FNDC3B: variants seen among roughly 807,000 people sequenced by gnomAD.
FNDC3B encodes fibronectin type III domain containing 3B.
FNDC3B carries 12 observed loss-of-function variants against 151.5 expected under a neutral mutation model. The observed-to-expected ratio is 0.08, with a 90% CI of 0.05 to 0.13. The LOEUF is 0.13. Ranked by LOEUF, FNDC3B falls within the 10% of genes least tolerant of loss-of-function variation. FNDC3B has a pLI of 1.00. For synonymous variants in FNDC3B, 528 were observed against 549.0 expected (o/e 0.96, Z 0.54); for missense variants, 1,214 against 1,505.3 (o/e 0.81, Z 3.20).
chr3:172,311,243 G>T (rs975680274), intron 11 of FNDC3B, among the ~76,000 whole-genome samples: 3 of 152,166 alleles, frequency 2.0e-5, no homozygotes, highest in South Asian at 4.1e-4. Flanking sequence ...ACACACTGCC[G>T]CTTGGAAAGC....
At chr3:172,381,633 C>T (rs1735445794) in intron 25 of FNDC3B, among the ~76,000 whole-genome samples, 1 of 151,810 alleles carries the variant, frequency 6.6e-6, no homozygotes, top group South Asian at 2.1e-4. Context: ...CCCCCACCCC[C>T]TGACAGGCCC....
chr3:172,203,840 CT>C (rs1241786751), intron 3 of FNDC3B, among the ~76,000 whole-genome samples: 4 of 152,086 alleles, frequency 2.6e-5, no homozygotes, highest in Non-Finnish European at 5.9e-5. Context: ...TCCCTTCAGA[CT>C]TTTACAAATG....
chr3:172,143,703 G>A (rs1027671914), intron 3 of FNDC3B, among the ~76,000 whole-genome samples: 1 of 151,988 alleles, frequency 6.6e-6, no homozygotes, highest in African/African-American at 2.4e-5. Flanking sequence ...GAGGTCAAGA[G>A]ATTGAGACCA....
At chr3:172,044,268 G>T in intron 1 of FNDC3B, among the ~76,000 whole-genome samples, 1 of 129,220 alleles carries the variant, frequency 7.7e-6, no homozygotes, top group Admixed American at 7.1e-5. Flanking sequence ...GTATGGAATA[G>T]TGAAAATTCC....
At chr3:172,201,588 G>T (rs373168621) in intron 3 of FNDC3B, among the ~76,000 whole-genome samples, 63 of 152,238 alleles carry the variant, frequency 4.1e-4, no homozygotes, top group African/African-American at 1.4e-3. Flanking sequence ...TCTAAGCAAA[G>T]CAATGGGAAT....
intron 6 of FNDC3B, among the ~76,000 whole-genome samples, chr3:172,258,254 A>G (rs1728465717): frequency 6.6e-6 from 1 of 152,190 alleles, no homozygotes; most frequent in Non-Finnish European, 1.5e-5. Context: ...ATTCCACGAC[A>G]TAGACTCACA....
chr3:172,366,974 T>C (rs1049890463), intron 23 of FNDC3B, among the ~76,000 whole-genome samples: 1 of 152,226 alleles, frequency 6.6e-6, no homozygotes, highest in Non-Finnish European at 1.5e-5. Flanking sequence ...CCCTTAAGTT[T>C]GGGCATGTTT....
chr3:172,204,651 T>C (rs1391830457), intron 3 of FNDC3B, among the ~76,000 whole-genome samples: 2 of 152,220 alleles, frequency 1.3e-5, no homozygotes, highest in Admixed American at 1.3e-4. Context: ...TACAAACCTA[T>C]TGTATATGAA....
At position 172,200,438 on chromosome 3, in the gene FNDC3B, A is replaced by G. The variant is rs548701601; in HGVS notation, c.188-26433A>G. On this transcript the variant is annotated intron_variant, in intron 3 of 25. Coordinates refer to ENST00000415807, the MANE Select transcript of FNDC3B (RefSeq NM_022763.4). ...GATTTTTTGGCTTTATAATGGTGCA[A>G]ATGTGATATGCATTTGGCAAAAACC... Among the ~76,000 whole-genome samples the G allele has an allele frequency of 2.6e-5, 4 of 152,350 alleles. No homozygotes were observed. In the South Asian group the frequency reaches 8.3e-4, roughly 32 times the overall value.
At chr3:172,362,926 G>A in intron 23 of FNDC3B, 81 bp downstream of exon 23, 11 of 1,112,650 alleles carry the variant, frequency 9.9e-6, no homozygotes, top group Non-Finnish European at 1.5e-5. Context: ...ATTTTTATTT[G>A]CTTGCACTAA....
At chr3:172,144,479 C>T (rs531840010) in intron 3 of FNDC3B, among the ~76,000 whole-genome samples, 10 of 152,256 alleles carry the variant, frequency 6.6e-5, no homozygotes, top group East Asian at 3.9e-4. Flanking sequence ...GGAGTGCATT[C>T]GTGGTGGGAT....
intron 5 of FNDC3B, 131 bp from the exon 6 acceptor site, chr3:172,251,129 A>G (rs1208678410): frequency 4.0e-6 from 3 of 744,468 alleles, no homozygotes; most frequent in Non-Finnish European, 6.5e-6. Context: ...TATTTATTAG[A>G]CTCTATTTAG....
At chr3:172,305,287 G>A (rs1488213707) in intron 9 of FNDC3B, among the ~76,000 whole-genome samples, 1 of 152,154 alleles carries the variant, frequency 6.6e-6, no homozygotes, top group Non-Finnish European at 1.5e-5. Context: ...TCTTTAGTTT[G>A]TTGTAATTGG....
chr3:172,319,529 A>G (rs1023207476), intron 11 of FNDC3B, among the ~76,000 whole-genome samples: 2 of 152,146 alleles, frequency 1.3e-5, no homozygotes, highest in African/African-American at 2.4e-5. Flanking sequence ...CTCCCTGTTT[A>G]TTTGGTAACA....
chr3:172,191,996 A>G (rs1337234407), intron 3 of FNDC3B, among the ~76,000 whole-genome samples: 1 of 152,086 alleles, frequency 6.6e-6, no homozygotes, highest in East Asian at 1.9e-4. Flanking sequence ...TGTGGTACAT[A>G]TGTTACCAGA....
At chr3:172,087,090 G>A (rs186283201) in intron 1 of FNDC3B, among the ~76,000 whole-genome samples, 23 of 152,332 alleles carry the variant, frequency 1.5e-4, no homozygotes, top group Admixed American at 5.2e-4. Flanking sequence ...GCTCAAAACA[G>A]TGTAGAATCC....
chr3:172,262,022 A>G (rs1473269242), intron 6 of FNDC3B, among the ~76,000 whole-genome samples: 1 of 152,212 alleles, frequency 6.6e-6, no homozygotes, highest in Non-Finnish European at 1.5e-5. Flanking sequence ...CTGGAAAATA[A>G]CGAGACTGGA....
At chr3:172,210,079 C>T (rs1272987156) in intron 3 of FNDC3B, among the ~76,000 whole-genome samples, 1 of 152,214 alleles carries the variant, frequency 6.6e-6, no homozygotes, top group African/African-American at 2.4e-5. Context: ...GCAGGGATGC[C>T]TGGGTCCAGA....
intron 3 of FNDC3B, among the ~76,000 whole-genome samples, chr3:172,219,415 T>C (rs539322882): frequency 6.6e-6 from 1 of 152,356 alleles, no homozygotes; most frequent in East Asian, 1.9e-4. Flanking sequence ...TAACCCCAGT[T>C]TTACTACCTT....
Sources: allele counts gnomAD v4.1 joint callset (sites outside exome capture counted in the v4.1 genomes callset), GRCh38; gene constraint gnomAD v4.1.1; transcripts MANE v1.5; gene names NCBI Gene and HGNC (gene_info 2026-07-23, HGNC 2026-07-21).